The following ERAP1 variants were observed in gnomAD, a reference collection of about 807,000 sequenced individuals.
ERAP1 encodes the protein adipocyte-derived leucine aminopeptidase.
ERAP1 carries 86 observed loss-of-function variants against 103.7 expected under a neutral mutation model. The ratio of observed to expected loss-of-function variants is 0.83; its 90% CI spans 0.70 to 0.99. The LOEUF (loss-of-function observed/expected upper bound fraction) is 0.99, where lower values mean the gene tolerates loss of function less well. Among genes scored for constraint, ERAP1 ranks in the 50% least tolerant of loss-of-function variants. The probability of loss-of-function intolerance (pLI) is 0.00; values close to 1 mark genes in which losing one functional copy is unlikely to be tolerated. For missense variants in ERAP1, 1,009 were observed against 1,128.4 expected (o/e 0.89, Z 1.52); for synonymous variants, 398 against 402.4 (o/e 0.99, Z 0.13).
the ERAP1 span, among the ~76,000 whole-genome samples, chr5:96,856,363 TATAG>T: frequency 3.6e-5 from 1 of 27,780 alleles, no homozygotes; most frequent in Non-Finnish European, 9.1e-5. Context: ...TATATATATA[TATAG>T]AGAGAGAGAG....
intron 19 of ERAP1, chr5:96,767,870 G>C: frequency 1.4e-6 from 2 of 1,396,478 alleles, no homozygotes; most frequent in Non-Finnish European, 2.0e-6. Context: ...TTTGCCTTCT[G>C]CTTCTTCACT....
At chr5:96,827,479 A>G in the ERAP1 span, among the ~76,000 whole-genome samples, 1 of 152,070 alleles carries the variant, frequency 6.6e-6, no homozygotes, top group African/African-American at 2.4e-5. Context: ...CTGGGCAACA[A>G]GGTGAAACCC....
At chr5:96,880,994 G>GT in the ERAP1 span, 168 of 158,678 alleles carry the variant, frequency 1.1e-3, 2 homozygotes, top group Middle Eastern at 3.3e-3. Flanking sequence ...TGAGAGCTGA[G>GT]TTTTTTTTTA....
At position 96,784,059 on chromosome 5, in the gene ERAP1, T is replaced by A; in HGVS notation, c.1965A>T (p.Glu655Asp). Residue 655 changes from glutamate to aspartate, a missense_variant, in exon 14 of 19, where the codon GAA becomes GAT. This residue lies in a region of ERAP1 where 611 missense variants were observed against 651.7 expected (regional missense o/e 0.94). Coordinates refer to ENST00000443439, the MANE Select transcript of ERAP1 (RefSeq NM_001040458.3). The part of the protein sequence containing the change: ...QLVSIGKLSI[E>D]KALDLSLYLK... ...AGTACAGGGATAAATCCAAGGCCTT[T>A]TCAATGGACAGCTTCCCAATGCTGA... The A allele has an allele frequency of 6.2e-7, 1 of 1,614,128 alleles. No individual in the cohort carries two copies. Among genetic ancestry groups the A allele is most frequent in the Non-Finnish European group, 8.5e-7 (1 of 1,179,996 alleles).
chr5:96,776,986 T>G (rs180945325), intron 18 of ERAP1: 234 of 165,084 alleles, frequency 1.4e-3, no homozygotes, highest in African/African-American at 4.9e-3. Flanking sequence ...GGGCCTGGCC[T>G]TGTATGTTAT....
chr5:96,863,486 T>C, the ERAP1 span, among the ~76,000 whole-genome samples: 4 of 152,318 alleles, frequency 2.6e-5, no homozygotes, highest in South Asian at 8.3e-4. Flanking sequence ...CACCACTTTT[T>C]CATGAAATTC....
At chr5:96,930,534 G>A in the ERAP1 span, among the ~76,000 whole-genome samples, 1 of 152,152 alleles carries the variant, frequency 6.6e-6, no homozygotes, top group South Asian at 2.1e-4. Context: ...TCTGGCTTCT[G>A]GCTGTGGGGT....
the ERAP1 span, among the ~76,000 whole-genome samples, chr5:96,911,065 AT>A: frequency 6.6e-6 from 1 of 152,244 alleles, no homozygotes; most frequent in Non-Finnish European, 1.5e-5. Context: ...TTAAGTACAT[AT>A]AGTATAGAGG....
At chr5:96,762,675 T>C (rs999257966) in exon 20 of ERAP1, 2 of 328,098 alleles carry the variant, frequency 6.1e-6, no homozygotes, top group African/African-American at 4.3e-5. Context: ...AATTACTAGA[T>C]TTGAAAAGTT....
the ERAP1 span, among the ~76,000 whole-genome samples, chr5:96,837,065 T>C: frequency 1.3e-5 from 2 of 152,130 alleles, no homozygotes; most frequent in African/African-American, 4.8e-5. Context: ...GAAAATGAAT[T>C]GGAGAGGAAG....
rs1289159514 is a variant in ERAP1 at position 96,805,349 on chromosome 5, T to TC, written c.-17-1407_-17-1406insG. Among the ~76,000 whole-genome samples, 4 of 126,458 alleles carry TC rather than the reference T, an allele frequency of 3.2e-5. No homozygotes were observed. In the East Asian group the frequency reaches 7.9e-4, roughly 25 times the overall value. The allele number at this position is 126,458 out of a possible 152,430, so 83.0% of individuals were successfully genotyped here. On this transcript the variant is annotated intron_variant, in intron 1 of 18. Transcript: ENST00000443439. Reference sequence around the variant, plus strand: ...ATTGTTTAATTTCTGGTTTTTGGTTTTTTTTTTTAAAAAAAAAAAAAACTG... The same window carrying TC: ...ATTGTTTAATTTCTGGTTTTTGGTTTCTTTTTTTTAAAAAAAAAAAAAACTG...
At chr5:96,801,847 G>A (rs191766258) in intron 2 of ERAP1, among the ~76,000 whole-genome samples, 223 of 83,620 alleles carry the variant, frequency 2.7e-3, no homozygotes, top group Non-Finnish European at 3.6e-3. Flanking sequence ...GCAAGACTCC[G>A]TCTCGACAAA....
chr5:96,904,594 G>A, the ERAP1 span, among the ~76,000 whole-genome samples: 1 of 152,210 alleles, frequency 6.6e-6, no homozygotes, highest in Non-Finnish European at 1.5e-5. Flanking sequence ...CTACATATGA[G>A]TGAATGCATG....
chr5:96,884,011 G>T, the ERAP1 span: 16 of 1,321,694 alleles, frequency 1.2e-5, no homozygotes, highest in East Asian at 5.2e-5. Context: ...ATTGCTTTCA[G>T]GATTTCAGCC....
the ERAP1 span, among the ~76,000 whole-genome samples, chr5:96,914,428 C>T: frequency 6.6e-6 from 1 of 152,158 alleles, no homozygotes; most frequent in Admixed American, 6.5e-5. Flanking sequence ...GAGTTGACGT[C>T]CACATGAGAC....
chr5:96,860,925 A>G, the ERAP1 span, among the ~76,000 whole-genome samples: 2 of 152,004 alleles, frequency 1.3e-5, no homozygotes, highest in Admixed American at 1.3e-4. Flanking sequence ...AGTGAGCAAC[A>G]CAGGTAAACA....
At chr5:96,935,590 C>G in the ERAP1 span, 3 of 153,244 alleles carry the variant, frequency 2.0e-5, no homozygotes, top group African/African-American at 7.2e-5. Flanking sequence ...CTCGTCTAAC[C>G]AAGCCATCCG....
In ERAP1 at chr5:96,803,530, G is replaced by C. The variant is rs761671083; in HGVS notation, c.397C>G (p.Leu133Val). 47 of 1,613,526 alleles carry C rather than the reference G, an allele frequency of 2.9e-5. 2 individuals carry two copies. In the South Asian group the frequency reaches 5.2e-4, roughly 18 times the overall value. ...ACAAGGAGGGGCTCGGGAGCCAGCA[G>C]TGCAATTTGCTCCTGACGGGGGTGT... ...LEHPRQEQIA[L>V]LAPEPLLVGL... is the part of the protein sequence containing the mutation. The change falls in exon 2 of 19, where the codon CTG (leucine) becomes GTG (valine). Residue 133 changes from leucine (L) to valine (V), a missense_variant. Leu to Val is a conservative substitution (Grantham distance 32, BLOSUM62 1). Transcript: ENST00000443439.
At chr5:96,786,647 C>A (rs1776040519) in intron 11 of ERAP1, 98 bp from the exon 12 acceptor site, 1 of 782,740 alleles carries the variant, frequency 1.3e-6, no homozygotes. Flanking sequence ...TAGTTTAGAA[C>A]AAGATAGTAC....
Sources: allele counts gnomAD v4.1 joint callset (sites outside exome capture counted in the v4.1 genomes callset), GRCh38; gene constraint gnomAD v4.1.1; regional missense constraint gnomAD v4.1.1; transcripts MANE v1.5; gene names NCBI Gene and HGNC (gene_info 2026-07-23, HGNC 2026-07-21).